Variants in ITSN2 observed in about 807,000 individuals in gnomAD.
The protein encoded by ITSN2 is intersectin 2.
Under a neutral mutation model 243.7 loss-of-function variants are expected in ITSN2, and 156 were observed. The observed-to-expected ratio is 0.64, with a 90% CI of 0.56 to 0.73. ITSN2 has a LOEUF of 0.73. ITSN2 is among the 30% of genes least tolerant of loss of function. The probability of loss-of-function intolerance (pLI) is 0.00; values close to 1 mark genes in which losing one functional copy is unlikely to be tolerated. For synonymous variants in ITSN2, 703 were observed against 699.9 expected (o/e 1.00, Z -0.07); for missense variants, 1,801 against 1,996.1 (o/e 0.90, Z 1.86).
intron 14 of ITSN2, among the ~76,000 whole-genome samples, chr2:24,295,153 A>G (rs1680777080): frequency 6.6e-6 from 1 of 152,224 alleles, no homozygotes. Context: ...TTACGTATAT[A>G]TATTAAGCAA....
rs1397660658 is a variant in ITSN2 at position 24,271,928 on chromosome 2, C to G, written c.2095G>C (p.Gly699Arg). 1.4e-6 allele frequency: 2 copies of G among 1,422,268 alleles called. No homozygotes were observed. Among genetic ancestry groups the G allele is most frequent in the Admixed American group, 4.4e-5 (2 of 45,650 alleles). 88.1% of individuals were successfully genotyped at this position (1,422,268 alleles called of 1,614,324 possible). A position where few individuals can be genotyped will look rare whatever the true frequency, so the allele number is the denominator to read the frequency against. The change falls in exon 19 of 40, where the codon GGA becomes CGA. Residue 699 changes from glycine (G) to arginine (R), a missense_variant. Physicochemically the swap from Gly to Arg is moderately radical, Grantham distance 125. Around this residue, in one of 5 missense-constraint regions of ITSN2, gnomAD observed 787 missense variants for 803.9 expected, o/e 0.98. Coordinates refer to ENST00000355123, the MANE Select transcript of ITSN2 (RefSeq NM_006277.3). ...EDEAARKAKQ[G>R]KENLWKENLR... ...TTTTCTTTCCATAAGTTTTCTTTTC[C>G]TTGCTTTGCTTTCCTTTACATAAAA... is the stretch of plus-strand genomic sequence containing the variant.
chr2:24,280,251 C>A (rs1299996136), intron 17 of ITSN2, among the ~76,000 whole-genome samples: 5 of 152,162 alleles, frequency 3.3e-5, no homozygotes, highest in African/African-American at 1.2e-4. Flanking sequence ...TGGTTAACCC[C>A]GGTGCTCTAC....
chr2:24,237,449 A>C (rs1672290958), intron 29 of ITSN2, among the ~76,000 whole-genome samples: 1 of 151,972 alleles, frequency 6.6e-6, no homozygotes, highest in Non-Finnish European at 1.5e-5. Flanking sequence ...CTTCCCAAGT[A>C]ATCTCATCTA....
intron 1 of ITSN2, chr2:24,334,430 A>C (rs1474946876): frequency 6.1e-6 from 3 of 491,418 alleles, no homozygotes; most frequent in Admixed American, 5.0e-5. Flanking sequence ...GGCCCAGCCA[A>C]GGTTAAAGTT....
intron 37 of ITSN2, chr2:24,205,498 C>G (rs1042025628): frequency 1.9e-6 from 1 of 523,510 alleles, no homozygotes; most frequent in Non-Finnish European, 3.5e-6. Flanking sequence ...TCTGCCCTGC[C>G]TGCTTTCTCT....
chr2:24,312,961 T>G (rs977919561), intron 4 of ITSN2, among the ~76,000 whole-genome samples: 3 of 152,258 alleles, frequency 2.0e-5, no homozygotes, highest in Middle Eastern at 3.4e-3. Flanking sequence ...TCAATGATAA[T>G]GTATATATCT....
intron 3 of ITSN2, among the ~76,000 whole-genome samples, chr2:24,314,360 T>C (rs1683653302): frequency 6.6e-6 from 1 of 152,150 alleles, no homozygotes; most frequent in African/African-American, 2.4e-5. Context: ...ACAAATAACA[T>C]GGTTAAGTAG....
chr2:24,335,826 CG>C (rs1283061276), intron 1 of ITSN2, among the ~76,000 whole-genome samples: 1 of 151,428 alleles, frequency 6.6e-6, no homozygotes, highest in African/African-American at 2.4e-5. Context: ...TTAGTAGGGA[CG>C]GGGTTTCGCC....
intron 1 of ITSN2, chr2:24,334,839 G>T: frequency 2.7e-6 from 2 of 744,284 alleles, no homozygotes; most frequent in Non-Finnish European, 4.4e-6. Context: ...CGAGGCGGGC[G>T]GATCACGAGG....
intron 29 of ITSN2, among the ~76,000 whole-genome samples, chr2:24,237,642 T>A (rs964130023): frequency 6.6e-6 from 1 of 152,128 alleles, no homozygotes; most frequent in African/African-American, 2.4e-5. Flanking sequence ...CATTATCCCA[T>A]CCTGTCCCTC....
chr2:24,279,223 G>A (rs1005821996), intron 17 of ITSN2, among the ~76,000 whole-genome samples: 1 of 152,110 alleles, frequency 6.6e-6, no homozygotes, highest in Non-Finnish European at 1.5e-5. Context: ...CCACCTGCAG[G>A]GGTATTACTA....
intron 18 of ITSN2, among the ~76,000 whole-genome samples, chr2:24,272,822 A>G (rs1048018590): frequency 9.2e-5 from 14 of 152,180 alleles, no homozygotes; most frequent in Non-Finnish European, 1.5e-5. Context: ...TGCTTTGGTA[A>G]ACATTTCAAT....
chr2:24,325,113 C>A (rs1558631052), intron 2 of ITSN2, among the ~76,000 whole-genome samples: 3 of 151,856 alleles, frequency 2.0e-5, no homozygotes, highest in Admixed American at 6.6e-5. Context: ...TTTCTAGGAA[C>A]AAAAAGATAA....
intron 17 of ITSN2, among the ~76,000 whole-genome samples, chr2:24,277,001 G>C (rs1419161804): frequency 6.6e-6 from 1 of 152,206 alleles, no homozygotes; most frequent in Non-Finnish European, 1.5e-5. Flanking sequence ...TATAGAAGCT[G>C]AATGTTCAAT....
intron 29 of ITSN2, among the ~76,000 whole-genome samples, chr2:24,234,314 T>G (rs947695958): frequency 6.7e-6 from 1 of 148,972 alleles, no homozygotes; most frequent in African/African-American, 2.4e-5. Context: ...AAATGAAATA[T>G]AGACACAGGT....
At chr2:24,265,309 G>C (rs1283539758) in intron 20 of ITSN2, among the ~76,000 whole-genome samples, 2 of 152,050 alleles carry the variant, frequency 1.3e-5, no homozygotes, top group African/African-American at 4.8e-5. Context: ...TCAATAAACA[G>C]GTCTTGCAAA....
At chr2:24,221,297 A>G (rs990853102) in intron 29 of ITSN2, 8 of 484,018 alleles carry the variant, frequency 1.7e-5, no homozygotes, top group African/African-American at 1.2e-4. Context: ...TAACATTTCA[A>G]TGTGCTCCTA....
chr2:24,250,163 C>A (rs1673909851), intron 25 of ITSN2, among the ~76,000 whole-genome samples: 2 of 152,148 alleles, frequency 1.3e-5, no homozygotes, highest in Non-Finnish European at 1.5e-5. Context: ...GTGCTGCATA[C>A]TAAAGTATGA....
At chr2:24,286,071 A>C (rs1679461007) in intron 16 of ITSN2, 141 bp downstream of exon 16, 1 of 579,770 alleles carries the variant, frequency 1.7e-6, no homozygotes, top group Non-Finnish European at 3.0e-6. Context: ...AACAATCTTG[A>C]AATTCTTGTA....
Sources: gnomAD v4.1 joint callset for allele counts (sites outside exome capture counted in the v4.1 genomes callset) on GRCh38, gnomAD v4.1.1 for gene constraint, gnomAD v4.1.1 regional missense constraint, MANE v1.5 for transcripts, NCBI Gene and HGNC (gene_info 2026-07-23, HGNC 2026-07-21) for gene names.